APLP2: variants seen among roughly 807,000 people sequenced by gnomAD.
APLP2 encodes the protein CDEI box-binding protein.
APLP2 carries 53 observed loss-of-function variants against 89.9 expected under a neutral mutation model. The observed-to-expected ratio is 0.59, with a 90% CI of 0.47 to 0.74. The LOEUF (loss-of-function observed/expected upper bound fraction) is 0.74, where lower values mean the gene tolerates loss of function less well. Among genes scored for constraint, APLP2 ranks in the 30% least tolerant of loss-of-function variants. The pLI, the probability that APLP2 is intolerant of heterozygous loss-of-function variation, is 0.00. For synonymous variants in APLP2, 372 were observed against 348.6 expected (o/e 1.07, Z -0.75); for missense variants, 973 against 975.9 (o/e 1.00, Z 0.04).
chr11:130,100,138 A>T (rs533856869), intron 1 of APLP2: 6 of 152,244 alleles, frequency 3.9e-5, no homozygotes. Context: ...TACCTTATAG[A>T]TGACGAAAGT....
intron 1 of APLP2, among the ~76,000 whole-genome samples, chr11:130,081,772 G>A (rs58719536): frequency 0.026 from 3,999 of 152,192 alleles, 162 homozygotes; most frequent in African/African-American, 0.09. Context: ...TGCCTATTTT[G>A]TAATTTATTT....
At chr11:130,087,482 C>G (rs1944291385) in intron 1 of APLP2, among the ~76,000 whole-genome samples, 1 of 152,198 alleles carries the variant, frequency 6.6e-6, no homozygotes, top group South Asian at 2.1e-4. Context: ...CCTGTGGTCT[C>G]TTCGAGGGGG....
At chr11:130,135,963 C>G (rs1362725893) in intron 13 of APLP2, among the ~76,000 whole-genome samples, 1 of 152,156 alleles carries the variant, frequency 6.6e-6, no homozygotes, top group East Asian at 1.9e-4. Context: ...TGGCTTCAAA[C>G]CCCCACTTCT....
At chr11:130,140,623 C>T in intron 14 of APLP2, 140 bp downstream of exon 14, 1 of 536,442 alleles carries the variant, frequency 1.9e-6, no homozygotes, top group Non-Finnish European at 3.2e-6. Flanking sequence ...TCCAACGGCT[C>T]CCACAGACTG....
intron 3 of APLP2, among the ~76,000 whole-genome samples, chr11:130,117,760 T>G (rs2135903089): frequency 6.6e-6 from 1 of 152,290 alleles, no homozygotes; most frequent in South Asian, 2.1e-4. Flanking sequence ...ATCCAAGGTG[T>G]TGTATAGATT....
At chr11:130,137,131 G>A in intron 13 of APLP2, 2 of 847,364 alleles carry the variant, frequency 2.4e-6, no homozygotes, top group Non-Finnish European at 3.8e-6. Context: ...TGTTTTTAAG[G>A]AGGAATACTT....
Position 130,123,599 on chromosome 11 carries a change from C to T in APLP2, c.923-13C>T, listed in dbSNP as rs773227254. ...GCCTCTGTCCTGCTGACACTCTGAC[C>T]ATTTTCACACAGCTGTCTGCTCCCA... is the stretch of plus-strand genomic sequence containing the variant. On this transcript the variant is annotated splice_polypyrimidine_tract_variant and intron_variant, in intron 6 of 16. Coordinates refer to ENST00000338167, the MANE Select transcript of APLP2 (RefSeq NM_001142276.2). This position sits in a 1 kb window ranked among gnomAD's most constrained non-coding sequence, Gnocchi z 4.0. 6.2e-7 allele frequency: 1 copy of T among 1,609,804 alleles called. No individual in the cohort carries two copies. The highest frequency in any genetic ancestry group is 1.1e-5 in the South Asian group (1 of 90,688).
At position 130,121,659 on chromosome 11, in the gene APLP2, C is replaced by T. The variant is rs375773341; in HGVS notation, c.562C>T (p.Leu188Phe). 5.0e-6 allele frequency: 8 copies of T among 1,613,974 alleles called. No homozygotes were observed. In the African/African-American group the frequency reaches 9.3e-5, roughly 19 times the overall value. ...GMTLYSYGML[L>F]PCGVDQFHGT... ...GACCTTATATAGCTACGGCATGCTG[C>T]TCCCATGTGGGGTAGACCAGTTCCA... The change falls in exon 5 of 17, where the codon CTC becomes TTC. Residue 188 changes from leucine (L) to phenylalanine (F), a missense_variant. By Grantham distance (22) the Leu-to-Phe change is conservative. Transcript: ENST00000338167.
intron 1 of APLP2, among the ~76,000 whole-genome samples, chr11:130,092,157 A>G (rs1407097974): frequency 7.5e-6 from 1 of 133,384 alleles, no homozygotes. Context: ...CACTTCCTAG[A>G]TGTGATGGCG....
Position 130,141,886 on chromosome 11 carries a change from G to A in APLP2, c.1999-33G>A. The A allele has an allele frequency of 6.3e-7, 1 of 1,578,820 alleles. No individual in the cohort carries two copies. The highest frequency in any genetic ancestry group is 1.7e-5 in the Admixed American group (1 of 58,488). ...GCCTCACGGCTGCCAGATGGTCACT[G>A]GGACTTTTTTCCACGTCTGCTTTAT... On this transcript the variant is annotated intron_variant, in intron 15 of 16. Coordinates refer to ENST00000338167, the MANE Select transcript of APLP2 (RefSeq NM_001142276.2). The surrounding 1 kb of genome is among the most constrained non-coding windows in gnomAD (Gnocchi z 4.2).
Position 130,120,768 on chromosome 11 carries a change from C to A in APLP2, c.466C>A (p.Arg156=), listed in dbSNP as rs765804148. 6.2e-7 allele frequency: 1 copy of A among 1,613,710 alleles called. No individual in the cohort carries two copies. Among genetic ancestry groups the A allele is most frequent in the African/African-American group, 1.3e-5 (1 of 74,850 alleles). Residue 156 remains arginine, a synonymous_variant, in exon 4 of 17, where the codon CGG becomes AGG. Transcript: ENST00000338167. ...AAAGTGCCAGTTTTTCCACAAAGAG[C>A]GGATGGAGGTGTGTGAGAATCACCA... ...PEKCQFFHKE[R]MEVCENHQHW...
intron 13 of APLP2, among the ~76,000 whole-genome samples, chr11:130,136,317 A>G (rs1195381914): frequency 6.6e-6 from 1 of 152,186 alleles, no homozygotes; most frequent in Non-Finnish European, 1.5e-5. Flanking sequence ...TGCTGCTGAC[A>G]GGGTAATGAT....
chr11:130,086,233 A>C (rs1944100645), intron 1 of APLP2, among the ~76,000 whole-genome samples: 1 of 152,184 alleles, frequency 6.6e-6, no homozygotes, highest in Non-Finnish European at 1.5e-5. Flanking sequence ...TAGCTATCCT[A>C]ATGGGCGTGG....
intron 10 of APLP2, 130 bp from the exon 11 acceptor site, chr11:130,129,908 C>T (rs773253729): frequency 3.2e-5 from 34 of 1,071,988 alleles, no homozygotes; most frequent in Non-Finnish European, 4.5e-5. Flanking sequence ...AAAAAGCCTT[C>T]CAGTTACAGC....
chr11:130,139,285 TG>T (rs1311226253), intron 13 of APLP2: 1 of 152,232 alleles, frequency 6.6e-6, no homozygotes, highest in East Asian at 1.9e-4. Flanking sequence ...AGTCTAGTTG[TG>T]AGGCAGAAGC....
chr11:130,110,928 C>G (rs1046687966), intron 3 of APLP2, among the ~76,000 whole-genome samples: 2 of 152,116 alleles, frequency 1.3e-5, no homozygotes, highest in Admixed American at 6.5e-5. Flanking sequence ...ATTGCACTTA[C>G]GCCCTCACAT....
intron 1 of APLP2, among the ~76,000 whole-genome samples, chr11:130,105,195 T>C (rs1354201630): frequency 1.3e-5 from 2 of 152,228 alleles, no homozygotes; most frequent in African/African-American, 2.4e-5. Context: ...GAAGGATCAC[T>C]TGAGCCCAAG....
intron 16 of APLP2, 96 bp from the exon 17 acceptor site, chr11:130,143,251 C>T: frequency 8.8e-7 from 1 of 1,135,218 alleles, no homozygotes; most frequent in Non-Finnish European, 1.3e-6. Flanking sequence ...GCATTTGGTC[C>T]TCAGGGGATT....
chr11:130,098,263 G>A (rs559889866), intron 1 of APLP2, among the ~76,000 whole-genome samples: 1 of 152,110 alleles, frequency 6.6e-6, no homozygotes, highest in Non-Finnish European at 1.5e-5. Flanking sequence ...AAATTAGCCG[G>A]GTGTGGTGGC....
Sources: allele counts gnomAD v4.1 joint callset (sites outside exome capture counted in the v4.1 genomes callset), GRCh38; gene constraint gnomAD v4.1.1; non-coding constraint Gnocchi (gnomAD v3.1); transcripts MANE v1.5; gene names NCBI Gene and HGNC (gene_info 2026-07-23, HGNC 2026-07-21).